The following DAB1 variants were observed in gnomAD, a reference collection of about 807,000 sequenced individuals.
The protein encoded by DAB1 is DAB adaptor protein 1, also known as disabled homolog 1.
Under a neutral mutation model 64.6 loss-of-function variants are expected in DAB1, and 15 were observed. The observed-to-expected ratio is 0.23, with a 90% confidence interval of 0.16 to 0.36. The LOEUF is 0.36. DAB1 is among the 10% of genes least tolerant of loss of function. DAB1 has a pLI of 1.00. For synonymous variants in DAB1, 235 were observed against 251.9 expected (o/e 0.93, Z 0.64); for missense variants, 596 against 706.7 (o/e 0.84, Z 1.78).
chr1:57,662,054 G>T (rs1646392926), intron 6 of DAB1, among the ~76,000 whole-genome samples: 2 of 152,142 alleles, frequency 1.3e-5, no homozygotes, highest in Non-Finnish European at 2.9e-5. Context: ...TAAACGCCAA[G>T]AAGACAATCA....
intron 3 of DAB1, among the ~76,000 whole-genome samples, chr1:57,141,461 C>T (rs903167777): frequency 6.6e-6 from 1 of 152,146 alleles, no homozygotes; most frequent in Non-Finnish European, 1.5e-5. Context: ...ATCAATTCTG[C>T]TCTCCCTGTG....
chr1:57,703,173 G>A (rs549527632), intron 6 of DAB1, among the ~76,000 whole-genome samples: 5 of 152,112 alleles, frequency 3.3e-5, no homozygotes, highest in Non-Finnish European at 7.4e-5. Flanking sequence ...TGCAACAAAA[G>A]TGAAAATTGA....
At chr1:57,258,085 G>T (rs1669899294) in intron 2 of DAB1, among the ~76,000 whole-genome samples, 1 of 152,184 alleles carries the variant, frequency 6.6e-6, no homozygotes, top group African/African-American at 2.4e-5. Context: ...AATTTTCATA[G>T]TTGAAAGCAC....
At chr1:57,928,186 G>A (rs1043401911) in intron 5 of DAB1, among the ~76,000 whole-genome samples, 8 of 151,712 alleles carry the variant, frequency 5.3e-5, no homozygotes, top group Non-Finnish European at 1.5e-5. Flanking sequence ...CCTTATCAAG[G>A]CGTTAAACAT....
At chr1:57,218,968 T>G (rs1378164324) in intron 2 of DAB1, among the ~76,000 whole-genome samples, 1 of 152,126 alleles carries the variant, frequency 6.6e-6, no homozygotes, top group Non-Finnish European at 1.5e-5. Flanking sequence ...GATAAAGCTT[T>G]GGAAGCTGGG....
chr1:57,813,872 T>C (rs1344315106), intron 6 of DAB1, among the ~76,000 whole-genome samples: 1 of 152,124 alleles, frequency 6.6e-6, no homozygotes, highest in East Asian at 1.9e-4. Flanking sequence ...AACAATAAAG[T>C]CCACAACTTA....
At chr1:57,535,027 T>C (rs187926260) in intron 7 of DAB1, among the ~76,000 whole-genome samples, 1 of 152,330 alleles carries the variant, frequency 6.6e-6, no homozygotes, top group African/African-American at 2.4e-5. Context: ...GCCTCTTGCA[T>C]AGCTAGCTCC....
At chr1:57,693,763 A>C (rs557593003) in intron 6 of DAB1, among the ~76,000 whole-genome samples, 1 of 152,306 alleles carries the variant, frequency 6.6e-6, no homozygotes, top group African/African-American at 2.4e-5. Context: ...AGAAGGAAGA[A>C]ACTCTGGATG....
intron 6 of DAB1, among the ~76,000 whole-genome samples, chr1:57,676,251 A>T (rs1646564974): frequency 6.6e-6 from 1 of 152,226 alleles, no homozygotes; most frequent in Admixed American, 6.5e-5. Context: ...TGCAGCAAGC[A>T]GACACCAGGG....
intron 6 of DAB1, among the ~76,000 whole-genome samples, chr1:57,746,585 C>T (rs1172430392): frequency 1.3e-5 from 2 of 151,940 alleles, no homozygotes; most frequent in Non-Finnish European, 2.9e-5. Context: ...TCCAGGACCC[C>T]CTAGAAACCC....
At chr1:57,981,194 T>C (rs1646058140) in intron 5 of DAB1, among the ~76,000 whole-genome samples, 1 of 152,134 alleles carries the variant, frequency 6.6e-6, no homozygotes, top group Non-Finnish European at 1.5e-5. Context: ...TATAAAGGCA[T>C]ACTAAAATCT....
chr1:57,316,248 C>G (rs992628472), intron 1 of DAB1, among the ~76,000 whole-genome samples: 1 of 152,108 alleles, frequency 6.6e-6, no homozygotes, highest in Admixed American at 6.5e-5. Context: ...TTATTCTATG[C>G]CTAGAAAACA....
rs1302460309 is a variant in DAB1 at position 57,284,890 on chromosome 1, C to T, written c.67+6074G>A. Among the ~76,000 whole-genome samples, 5 of 152,160 alleles carry T rather than the reference C, an allele frequency of 3.3e-5. No individual in the cohort carries two copies. In the East Asian group the frequency reaches 7.7e-4, roughly 23 times the overall value. The stretch of plus-strand genomic sequence containing the variant: ...TTCAAGAAACCTCCAAAAGTTAGCA[C>T]AGCTGCGAGTTACAGAAGGTTCACA... On this transcript the variant is annotated intron_variant, in intron 2 of 14. Coordinates refer to ENST00000371236, the MANE Select transcript of DAB1 (RefSeq NM_001365792.1).
intron 1 of DAB1, among the ~76,000 whole-genome samples, chr1:57,414,939 T>C (rs990733365): frequency 2.0e-5 from 3 of 152,144 alleles, no homozygotes; most frequent in Non-Finnish European, 4.4e-5. Flanking sequence ...TATCTTTTAA[T>C]CAGTCTATAA....
intron 6 of DAB1, among the ~76,000 whole-genome samples, chr1:57,777,135 G>C (rs1440073225): frequency 3.6e-5 from 4 of 109,734 alleles, no homozygotes; most frequent in Admixed American, 1.9e-4. Context: ...GTTATTTTCT[G>C]AATTTCTTTT....
chr1:57,228,137 A>G (rs533358864), intron 2 of DAB1, among the ~76,000 whole-genome samples: 4 of 152,346 alleles, frequency 2.6e-5, no homozygotes, highest in African/African-American at 9.6e-5. Flanking sequence ...TACCTGCTCA[A>G]TAAGCCTTAA....
chr1:58,452,260 A>C (rs1645145918), intron 3 of DAB1, among the ~76,000 whole-genome samples: 1 of 152,024 alleles, frequency 6.6e-6, no homozygotes, highest in Non-Finnish European at 1.5e-5. Flanking sequence ...AAAGGGCAAA[A>C]AAAGAGACAC....
At chr1:57,929,284 C>A (rs1475537210) in intron 5 of DAB1, among the ~76,000 whole-genome samples, 3 of 152,128 alleles carry the variant, frequency 2.0e-5, no homozygotes, top group Non-Finnish European at 2.9e-5. Context: ...ACTGGGTTGT[C>A]TGTGTTCTTA....
chr1:58,080,325 A>G (rs1436614741), intron 5 of DAB1: 4 of 152,236 alleles, frequency 2.6e-5, no homozygotes, highest in African/African-American at 9.6e-5. Context: ...CGTGACTTCA[A>G]AAGATGTGAA....
Sources: allele counts gnomAD v4.1 joint callset (sites outside exome capture counted in the v4.1 genomes callset), GRCh38; gene constraint gnomAD v4.1.1; transcripts MANE v1.5; gene names NCBI Gene and HGNC (gene_info 2026-07-23, HGNC 2026-07-21).